The following WDR49 variants were observed in gnomAD, a reference collection of about 807,000 sequenced individuals.
WDR49 encodes the protein WD repeat domain 49.
A neutral mutation model predicts 119.5 loss-of-function variants in WDR49; 107 were observed. That is an observed-to-expected ratio of 0.90 (90% CI 0.77 to 1.05). The LOEUF (loss-of-function observed/expected upper bound fraction) is 1.05. Among genes scored for constraint, WDR49 ranks in the 50% least tolerant of loss-of-function variants. The pLI is 0.00. For missense variants in WDR49, 1,240 were observed against 1,220.5 expected, an observed-to-expected ratio of 1.02 and a Z score of -0.24; for synonymous variants, 425 against 418.8, an observed-to-expected ratio of 1.01 and a Z score of -0.18.
chr3:167,607,323 A>G (rs1163490110), intron 5 of WDR49, among the ~76,000 whole-genome samples: 1 of 152,188 alleles, frequency 6.6e-6, no homozygotes, highest in Non-Finnish European at 1.5e-5. Flanking sequence ...TTTGCTCCTG[A>G]GGCTGCTTCC....
At chr3:167,639,554 TC>T (rs1717783030) in intron 2 of WDR49, among the ~76,000 whole-genome samples, 1 of 151,790 alleles carries the variant, frequency 6.6e-6, no homozygotes, top group Non-Finnish European at 1.5e-5. Context: ...GAATGTATAC[TC>T]CCAAATAATC....
chr3:167,503,874 T>C (rs1047687094), intron 17 of WDR49, among the ~76,000 whole-genome samples: 1 of 152,230 alleles, frequency 6.6e-6, no homozygotes, highest in African/African-American at 2.4e-5. Flanking sequence ...TGCCTGGGTT[T>C]ATATCCCGAT....
chr3:167,646,664 C>T (rs1453499634), intron 2 of WDR49, among the ~76,000 whole-genome samples: 1 of 152,090 alleles, frequency 6.6e-6, no homozygotes, highest in East Asian at 1.9e-4. Flanking sequence ...CCAAATGTAG[C>T]ACATATTGAA....
At chr3:167,644,624 T>C (rs571005445) in intron 2 of WDR49, among the ~76,000 whole-genome samples, 1 of 152,278 alleles carries the variant, frequency 6.6e-6, no homozygotes, top group South Asian at 2.1e-4. Context: ...GTAAGTGATA[T>C]TACAATCATA....
rs187521886 is a variant in WDR49 at position 167,552,907 on chromosome 3, A to G, written c.1823+1743T>C. 3.0e-4 allele frequency among the ~76,000 whole-genome samples: 45 copies of G among 152,222 alleles called. No homozygotes were observed. The East Asian group carries it at 6.4e-3, about 22-fold the overall frequency. The stretch of plus-strand genomic sequence containing the variant: ...GATAAAATCTGAAGTAAAAGTTACA[A>G]CTTAACCTAATGGACTCTAAAACAA... On this transcript the variant is annotated intron_variant, in intron 10 of 18. Transcript: ENST00000682715.
chr3:167,531,801 G>A (rs900464764), intron 12 of WDR49, among the ~76,000 whole-genome samples: 2 of 152,064 alleles, frequency 1.3e-5, no homozygotes, highest in South Asian at 2.1e-4. Flanking sequence ...AGTAAACACT[G>A]GGGATATTCG....
intron 4 of WDR49, among the ~76,000 whole-genome samples, chr3:167,621,028 T>C (rs1481216973): frequency 6.6e-6 from 1 of 152,122 alleles, no homozygotes; most frequent in Non-Finnish European, 1.5e-5. Flanking sequence ...CCTTTTGTTA[T>C]ATGATACAGG....
At chr3:167,587,805 A>C (rs1714896317) in intron 7 of WDR49, among the ~76,000 whole-genome samples, 1 of 151,892 alleles carries the variant, frequency 6.6e-6, no homozygotes, top group African/African-American at 2.4e-5. Context: ...TTTTCTAATT[A>C]ATTTTTTTAT....
At chr3:167,525,977 C>T (rs1230130166) in intron 15 of WDR49, among the ~76,000 whole-genome samples, 1 of 151,456 alleles carries the variant, frequency 6.6e-6, no homozygotes, top group Non-Finnish European at 1.5e-5. Context: ...GGACTAATGG[C>T]ACTTATATTC....
chr3:167,569,365 T>C (rs936055322), intron 8 of WDR49, among the ~76,000 whole-genome samples: 5 of 152,212 alleles, frequency 3.3e-5, no homozygotes, highest in Non-Finnish European at 5.9e-5. Context: ...TTGTAATAGA[T>C]TTGTGTATAT....
intron 10 of WDR49, among the ~76,000 whole-genome samples, chr3:167,540,312 G>GC (rs2108252013): frequency 6.6e-6 from 1 of 152,266 alleles, no homozygotes; most frequent in Admixed American, 6.5e-5. Flanking sequence ...CTCCACCAGA[G>GC]CAGGTGCTGG....
At chr3:167,541,453 G>A (rs1711830733) in intron 10 of WDR49, among the ~76,000 whole-genome samples, 1 of 152,084 alleles carries the variant, frequency 6.6e-6, no homozygotes, top group Non-Finnish European at 1.5e-5. Context: ...GCAAAACTAA[G>A]CTTCATAAAT....
intron 10 of WDR49, among the ~76,000 whole-genome samples, chr3:167,547,078 C>T (rs1379554381): frequency 1.3e-5 from 2 of 151,920 alleles, no homozygotes; most frequent in African/African-American, 4.8e-5. Context: ...CTCTTTCCCT[C>T]CAATATGGCT....
intron 9 of WDR49, among the ~76,000 whole-genome samples, chr3:167,559,072 T>C (rs1266154187): frequency 1.3e-5 from 2 of 152,164 alleles, no homozygotes; most frequent in African/African-American, 4.8e-5. Context: ...ATAGGCCAAC[T>C]TCTACTGATT....
At chr3:167,616,997 C>T (rs1716627558) in intron 5 of WDR49, among the ~76,000 whole-genome samples, 1 of 152,014 alleles carries the variant, frequency 6.6e-6, no homozygotes, top group Admixed American at 6.6e-5. Flanking sequence ...AGAGGCAGGA[C>T]CCAGATTCTA....
At chr3:167,506,328 A>G (rs1258625397) in intron 16 of WDR49, among the ~76,000 whole-genome samples, 1 of 152,210 alleles carries the variant, frequency 6.6e-6, no homozygotes, top group African/African-American at 2.4e-5. Context: ...CTGTGGATTT[A>G]AAGGAGATAA....
At chr3:167,533,767 C>T (rs73173031) in intron 11 of WDR49, among the ~76,000 whole-genome samples, 173 of 152,156 alleles carry the variant, frequency 1.1e-3, no homozygotes, top group Middle Eastern at 3.4e-3. Flanking sequence ...AAAGCAGCAA[C>T]GCCCAGACCA....
At chr3:167,562,865 C>T (rs563872257) in intron 8 of WDR49, among the ~76,000 whole-genome samples, 1 of 152,284 alleles carries the variant, frequency 6.6e-6, no homozygotes, top group East Asian at 1.9e-4. Context: ...GATGTTTAAA[C>T]AAACTAATAT....
chr3:167,503,206 C>T (rs1381965500), intron 17 of WDR49, among the ~76,000 whole-genome samples: 1 of 152,206 alleles, frequency 6.6e-6, no homozygotes, highest in Non-Finnish European at 1.5e-5. Flanking sequence ...ACACAGAGTG[C>T]AAGAGTGAAG....
Sources: allele counts gnomAD v4.1 joint callset (sites outside exome capture counted in the v4.1 genomes callset), GRCh38; gene constraint gnomAD v4.1.1; transcripts MANE v1.5; gene names NCBI Gene and HGNC (gene_info 2026-07-23, HGNC 2026-07-21).